PIP5K1B: variants seen among roughly 807,000 people sequenced by gnomAD.
PIP5K1B encodes phosphatidylinositol-4-phosphate 5-kinase type 1 beta.
PIP5K1B carries 42 observed loss-of-function variants against 67.0 expected under a neutral mutation model. That is an observed-to-expected ratio of 0.63 (90% CI 0.49 to 0.81). The LOEUF (loss-of-function observed/expected upper bound fraction) is 0.81, where lower values mean the gene tolerates loss of function less well. Ranked by LOEUF, PIP5K1B falls within the 30% of genes least tolerant of loss-of-function variation. PIP5K1B has a pLI of 0.00. For synonymous variants in PIP5K1B, 214 were observed against 231.4 expected, an observed-to-expected ratio of 0.92 and a Z score of 0.68; for missense variants, 459 against 646.3, an observed-to-expected ratio of 0.71 and a Z score of 3.14.
chr9:68,997,910 A>G (rs776297928), intron 15 of PIP5K1B, among the ~76,000 whole-genome samples: 9 of 152,126 alleles, frequency 5.9e-5, no homozygotes, highest in Non-Finnish European at 1.3e-4. Flanking sequence ...CTGGCTTTCC[A>G]GTTCAATTAG....
chr9:68,986,836 A>G (rs1413685903), intron 14 of PIP5K1B, among the ~76,000 whole-genome samples: 2 of 152,240 alleles, frequency 1.3e-5, no homozygotes, highest in African/African-American at 4.8e-5. Flanking sequence ...ATTGAAAAAT[A>G]CTTTCAAAGT....
chr9:68,787,081 G>A (rs554728962), intron 2 of PIP5K1B, among the ~76,000 whole-genome samples: 3 of 152,240 alleles, frequency 2.0e-5, no homozygotes, highest in East Asian at 1.9e-4. Flanking sequence ...CTACTTTTGC[G>A]GTTATGGGAT....
chr9:68,919,378 A>G (rs1186878480), intron 9 of PIP5K1B, 101 bp from the exon 10 acceptor site: 1 of 624,924 alleles, frequency 1.6e-6, no homozygotes, highest in Non-Finnish European at 2.7e-6. Context: ...ATTCTTAAAA[A>G]TTGTCAATTT....
At chr9:68,834,966 C>G (rs912376032) in intron 4 of PIP5K1B, among the ~76,000 whole-genome samples, 1 of 152,108 alleles carries the variant, frequency 6.6e-6, no homozygotes, top group Admixed American at 6.5e-5. Flanking sequence ...CTTAAAGGTT[C>G]TATTCTTTCC....
In PIP5K1B at chr9:68,894,019, C is replaced by T. The variant is rs188225776; in HGVS notation, c.472-320C>T. 1.4e-3 allele frequency among the ~76,000 whole-genome samples: 218 copies of T among 152,292 alleles called. 3 individuals are homozygous for T. The highest frequency in any genetic ancestry group is 4.9e-3 in the African/African-American group (202 of 41,582). ...GTTCATCCCTCATACCTTGGCAATT[C>T]GTTTTCTCTTTGGCTACCTTAGAGA... is the stretch of plus-strand genomic sequence containing the variant. On this transcript the variant is annotated intron_variant, in intron 7 of 15. Coordinates refer to ENST00000265382, the MANE Select transcript of PIP5K1B (RefSeq NM_003558.4).
At chr9:68,721,878 A>G (rs1827902464) in intron 1 of PIP5K1B, among the ~76,000 whole-genome samples, 1 of 152,194 alleles carries the variant, frequency 6.6e-6, no homozygotes, top group African/African-American at 2.4e-5. Flanking sequence ...TTGCAATTTC[A>G]TTTCCCTGTA....
intron 1 of PIP5K1B, among the ~76,000 whole-genome samples, chr9:68,734,114 G>A (rs1828605795): frequency 6.6e-6 from 1 of 152,000 alleles, no homozygotes; most frequent in African/African-American, 2.4e-5. Flanking sequence ...ATAAAATGGG[G>A]GTAATTATAT....
chr9:68,708,551 C>G (rs1827237924), intron 1 of PIP5K1B, among the ~76,000 whole-genome samples: 1 of 140,300 alleles, frequency 7.1e-6, no homozygotes, highest in Admixed American at 7.2e-5. Context: ...GCCCCCCCGC[C>G]CCTTTAGTTG....
At position 68,792,047 on chromosome 9, in the gene PIP5K1B, G is replaced by A. The variant is rs536255091; in HGVS notation, c.-85-26414G>A. On this transcript the variant is annotated intron_variant, in intron 2 of 15. Coordinates refer to ENST00000265382, the MANE Select transcript of PIP5K1B (RefSeq NM_003558.4). ...AACTCCTTAAAAATTTAGTTCAAGG[G>A]GCACATCTTTCCTGATGGCCCCTGC... Among the ~76,000 whole-genome samples the A allele has an allele frequency of 3.3e-5, 5 of 152,264 alleles. No homozygotes were observed. In the South Asian group the frequency reaches 1.0e-3, roughly 32 times the overall value.
chr9:68,757,652 A>T (rs997170864), intron 2 of PIP5K1B, among the ~76,000 whole-genome samples: 28 of 152,172 alleles, frequency 1.8e-4, no homozygotes, highest in Non-Finnish European at 1.5e-5. Context: ...CCCTTTAAAG[A>T]GTGGCTGAAA....
At chr9:68,963,282 C>G (rs139510872) in intron 14 of PIP5K1B, 1 of 452,632 alleles carries the variant, frequency 2.2e-6, no homozygotes, top group African/African-American at 2.0e-5. Context: ...GCAGACTGAT[C>G]TCTTGAGTCC....
At chr9:68,745,784 G>A (rs4745236) in intron 2 of PIP5K1B, among the ~76,000 whole-genome samples, 44,819 of 151,948 alleles carry the variant, frequency 0.29, 6,769 homozygotes, top group South Asian at 0.42. Context: ...CCCCACCTAA[G>A]TAGATCTCCC....
chr9:68,954,614 T>A (rs1417720493), intron 14 of PIP5K1B, among the ~76,000 whole-genome samples: 1 of 152,234 alleles, frequency 6.6e-6, no homozygotes, highest in East Asian at 1.9e-4. Context: ...GTATCTTAGC[T>A]TTGATTGGTA....
chr9:68,857,133 T>A (rs961493459), intron 4 of PIP5K1B, among the ~76,000 whole-genome samples: 2 of 152,170 alleles, frequency 1.3e-5, no homozygotes, highest in African/African-American at 4.8e-5. Context: ...TAGGAACTGA[T>A]TCCCCACCAG....
chr9:68,995,231 AAGAAAGAG>A (rs939911870), intron 15 of PIP5K1B, among the ~76,000 whole-genome samples: 1 of 150,924 alleles, frequency 6.6e-6, no homozygotes, highest in Non-Finnish European at 1.5e-5. Flanking sequence ...GGAGGGGAGA[AAGAAAGAG>A]AGAAAGAAAG....
intron 14 of PIP5K1B, among the ~76,000 whole-genome samples, chr9:68,966,966 G>A (rs1300204116): frequency 6.6e-6 from 1 of 152,106 alleles, no homozygotes; most frequent in Non-Finnish European, 1.5e-5. Flanking sequence ...TCTTTTTGCA[G>A]CTGGGTTTAA....
At chr9:68,903,869 A>G (rs1825484152) in intron 8 of PIP5K1B, among the ~76,000 whole-genome samples, 1 of 152,246 alleles carries the variant, frequency 6.6e-6, no homozygotes, top group Admixed American at 6.5e-5. Flanking sequence ...CATATGTAAT[A>G]TGTAATCATC....
At chr9:68,805,004 T>C (rs996467616) in intron 2 of PIP5K1B, among the ~76,000 whole-genome samples, 5 of 152,202 alleles carry the variant, frequency 3.3e-5, no homozygotes, top group Non-Finnish European at 5.9e-5. Flanking sequence ...AGAATGCAAG[T>C]GCGTTGGCTG....
chr9:68,802,634 G>A (rs992574317), intron 2 of PIP5K1B, among the ~76,000 whole-genome samples: 14 of 152,306 alleles, frequency 9.2e-5, no homozygotes, highest in African/African-American at 2.2e-4. Flanking sequence ...GGATTCATAC[G>A]AGGAAGTCAT....
Sources: allele counts gnomAD v4.1 joint callset (sites outside exome capture counted in the v4.1 genomes callset), GRCh38; gene constraint gnomAD v4.1.1; transcripts MANE v1.5; gene names NCBI Gene and HGNC (gene_info 2026-07-23, HGNC 2026-07-21).